COL5A1: variants seen among roughly 807,000 people sequenced by gnomAD.
COL5A1 encodes the protein collagen alpha-1(V) chain.
COL5A1 carries 16 observed loss-of-function variants against 263.7 expected under a neutral mutation model. That is an observed-to-expected ratio of 0.06 (90% CI 0.04 to 0.09). The LOEUF (loss-of-function observed/expected upper bound fraction) is 0.09, where lower values mean the gene tolerates loss of function less well. Ranked by LOEUF, COL5A1 falls within the 10% of genes least tolerant of loss-of-function variation. The probability of loss-of-function intolerance (pLI) is 1.00; values close to 1 mark genes in which losing one functional copy is unlikely to be tolerated. For missense variants in COL5A1, 2,036 were observed against 2,540.5 expected, an observed-to-expected ratio of 0.80 and a Z score of 4.27; for synonymous variants, 1,012 against 1,004.5, an observed-to-expected ratio of 1.01 and a Z score of -0.14.
At chr9:134,748,388 C>A (rs1268677399) in intron 11 of COL5A1, among the ~76,000 whole-genome samples, 1 of 152,164 alleles carries the variant, frequency 6.6e-6, no homozygotes, top group Non-Finnish European at 1.5e-5. Context: ...CACACATGCA[C>A]ACACATACAC....
At chr9:134,763,160 G>A (rs759252135) in intron 19 of COL5A1, among the ~76,000 whole-genome samples, 3 of 152,198 alleles carry the variant, frequency 2.0e-5, no homozygotes, top group East Asian at 1.9e-4. Context: ...TGTGTGAGGC[G>A]GGCGGGAAGG....
intron 61 of COL5A1, among the ~76,000 whole-genome samples, chr9:134,824,017 G>A (rs1372590323): frequency 9.1e-6 from 1 of 109,572 alleles, no homozygotes; most frequent in South Asian, 3.9e-4. Flanking sequence ...ATATGTGCAT[G>A]TGTGTGTGTG....
rs573350835 is a variant in COL5A1, at chr9:134,696,798, G to C, written c.278-3111G>C. Reference sequence around the variant, plus strand: ...AAAAGTGAAAAGCTCTGGCCGGGCGGGGTGGCTCACACCTGTAATCCCAGC... The same window carrying C: ...AAAAGTGAAAAGCTCTGGCCGGGCGCGGTGGCTCACACCTGTAATCCCAGC... On this transcript the variant is annotated intron_variant, in intron 2 of 65. Coordinates refer to ENST00000371817, the MANE Select transcript of COL5A1 (RefSeq NM_000093.5). This position sits in a 1 kb window ranked among gnomAD's most constrained non-coding sequence, Gnocchi z 4.3. Among the ~76,000 whole-genome samples the C allele has an allele frequency of 1.3e-5, 2 of 152,054 alleles. No homozygotes were observed. The highest frequency in any genetic ancestry group is 2.9e-5 in the Non-Finnish European group (2 of 68,018).
chr9:134,755,153 C>G lies in COL5A1; in HGVS notation c.1827+827C>G, dbSNP rs1588507090. Among the ~76,000 whole-genome samples the G allele has an allele frequency of 6.6e-6, 1 of 152,164 alleles. No homozygotes were observed. Among genetic ancestry groups the G allele is most frequent in the East Asian group, 1.9e-4 (1 of 5,192 alleles). On this transcript the variant is annotated intron_variant, in intron 16 of 65. Coordinates refer to ENST00000371817, the MANE Select transcript of COL5A1 (RefSeq NM_000093.5). This position sits in a 1 kb window ranked among gnomAD's most constrained non-coding sequence, Gnocchi z 4.1. ...CAGGTCCGAGGGTCTATGCAGGGAT[C>G]TGGGCATGAAACAGAGGCCTGGGCT...
chr9:134,747,730 T>C (rs543860069), intron 11 of COL5A1, among the ~76,000 whole-genome samples: 18 of 140,880 alleles, frequency 1.3e-4, no homozygotes, highest in Admixed American at 5.7e-4. Flanking sequence ...TGCAGACACA[T>C]GCACACATGC....
intron 43 of COL5A1, among the ~76,000 whole-genome samples, chr9:134,810,006 T>C (rs1052457075): frequency 3.9e-5 from 6 of 152,230 alleles, no homozygotes; most frequent in African/African-American, 7.2e-5. Flanking sequence ...ATATTTTCAA[T>C]ATGACTTTTC....
intron 64 of COL5A1, among the ~76,000 whole-genome samples, 155 bp from the exon 65 acceptor site, chr9:134,834,816 C>T (rs757203144): frequency 3.3e-5 from 5 of 152,206 alleles, no homozygotes; most frequent in Admixed American, 1.3e-4. Context: ...AGCCCATGTG[C>T]GCTGGCCTCG....
chr9:134,656,236 C>T (rs1831967064), intron 1 of COL5A1, among the ~76,000 whole-genome samples: 1 of 152,184 alleles, frequency 6.6e-6, no homozygotes, highest in Middle Eastern at 3.2e-3. Context: ...GTTGAGGGTA[C>T]TTTGGGAAAC....
In COL5A1 at chr9:134,678,482, T is replaced by C. The variant is rs1256879170; in HGVS notation, c.110-12430T>C. On this transcript the variant is annotated intron_variant, in intron 1 of 65. Transcript: ENST00000371817. This position sits in a 1 kb window ranked among gnomAD's most constrained non-coding sequence, Gnocchi z 5.5. ...GTGTGTCCCTGACTCAGGGGTCCCA[T>C]CGGCAGGTGTGTTGGCTGGTGCCAG... 3.3e-5 allele frequency among the ~76,000 whole-genome samples: 5 copies of C among 152,226 alleles called. No homozygotes were observed. The East Asian group carries it at 9.6e-4, about 29-fold the overall frequency.
chr9:134,828,305 A>G (rs1402376800), intron 63 of COL5A1, among the ~76,000 whole-genome samples: 1 of 152,160 alleles, frequency 6.6e-6, no homozygotes. Context: ...AGCAGGCCTC[A>G]GGTGGGAGCC....
At position 134,641,896 on chromosome 9, in the gene COL5A1, G is replaced by T; in HGVS notation, c.-292G>T. On this transcript the variant is annotated 5_prime_UTR_variant, in exon 1 of 66. In the 5' UTR this introduces an upstream ATG that the reference lacks. Coordinates refer to ENST00000371817, the MANE Select transcript of COL5A1 (RefSeq NM_000093.5). Reference sequence around the variant, plus strand: ...CGCGGGGCGGCGGCGGCGAGGAGGAGGCGAGAAGGAGTTGGAGGAGGAGGA... The same window carrying T: ...CGCGGGGCGGCGGCGGCGAGGAGGATGCGAGAAGGAGTTGGAGGAGGAGGA... The T allele has an allele frequency of 2.6e-6, 1 of 390,914 alleles. No homozygotes were observed. The highest frequency in any genetic ancestry group is 1.3e-4 in the South Asian group (1 of 7,650). The allele number at this position is 390,914 out of a possible 1,614,324, so 24.2% of individuals were successfully genotyped here.
chr9:134,822,142 G>A lies in COL5A1; in HGVS notation c.4600G>A (p.Gly1534Ser). Reference protein sequence around the residue: ...SGPIGPPGPPGLPGPPGPKGA... With the variant: ...SGPIGPPGPPSLPGPPGPKGA... Reference sequence around the variant, plus strand: ...CCCGATTGGGCCTCCTGGGCCCCCTGGCCTGCCGGTGTGTATCTGGGAGGG... The same window carrying A: ...CCCGATTGGGCCTCCTGGGCCCCCTAGCCTGCCGGTGTGTATCTGGGAGGG... The change falls in exon 59 of 66, where the codon GGC becomes AGC. Residue 1534 changes from glycine (G) to serine (S), a missense_variant. Around this residue, in one of 3 missense-constraint regions of COL5A1, gnomAD observed 1,078 missense variants for 1,521.4 expected, o/e 0.71. Transcript: ENST00000371817. 6.2e-7 allele frequency: 1 copy of A among 1,613,470 alleles called. No homozygotes were observed. Among genetic ancestry groups the A allele is most frequent in the Non-Finnish European group, 8.5e-7 (1 of 1,179,622 alleles).
At chr9:134,668,861 A>G (rs1050814300) in intron 1 of COL5A1, among the ~76,000 whole-genome samples, 2 of 151,598 alleles carry the variant, frequency 1.3e-5, no homozygotes, top group Non-Finnish European at 2.9e-5. Flanking sequence ...CCTTCCATCT[A>G]TGTATCCATT....
At chr9:134,727,950 A>G (rs1834721934) in intron 5 of COL5A1, among the ~76,000 whole-genome samples, 1 of 151,956 alleles carries the variant, frequency 6.6e-6, no homozygotes, top group African/African-American at 2.4e-5. Context: ...AGTTTTTCTT[A>G]TTTGCAGTTC....
intron 45 of COL5A1, 39 bp downstream of exon 45, chr9:134,811,431 G>A (rs747092039): frequency 1.4e-5 from 23 of 1,612,584 alleles, no homozygotes; most frequent in Admixed American, 3.3e-5. Flanking sequence ...AAAGCCCCAC[G>A]CCCCCCCAGA....
chr9:134,699,127 C>T (rs572192102), intron 2 of COL5A1, among the ~76,000 whole-genome samples: 155 of 152,258 alleles, frequency 1.0e-3, no homozygotes, highest in Non-Finnish European at 4.3e-4. Context: ...CCACCAGGAT[C>T]GATGGACAGG....
At chr9:134,712,162 C>A (rs1302821961) in intron 4 of COL5A1, among the ~76,000 whole-genome samples, 1 of 69,120 alleles carries the variant, frequency 1.4e-5, no homozygotes, top group Non-Finnish European at 2.8e-5. Context: ...CTCCTTCCTG[C>A]CCATCTTCTT....
chr9:134,710,090 C>T (rs1833971081), intron 4 of COL5A1, among the ~76,000 whole-genome samples: 1 of 152,230 alleles, frequency 6.6e-6, no homozygotes, highest in Admixed American at 6.5e-5. Context: ...CCCCAGCCCT[C>T]CGCCCATCCT....
At chr9:134,825,947 C>A in intron 63 of COL5A1, 43 bp downstream of exon 63, 1 of 1,332,516 alleles carries the variant, frequency 7.5e-7, no homozygotes, top group South Asian at 1.2e-5. Context: ...GGGCAGGCGT[C>A]ACAGACAGGG....
Sources: gnomAD v4.1 joint callset for allele counts (sites outside exome capture counted in the v4.1 genomes callset) on GRCh38, gnomAD v4.1.1 for gene constraint, gnomAD v4.1.1 regional missense constraint, Gnocchi (gnomAD v3.1) non-coding constraint, MANE v1.5 for transcripts, NCBI Gene and HGNC (gene_info 2026-07-23, HGNC 2026-07-21) for gene names.